PALLD: variants seen among roughly 807,000 people sequenced by gnomAD.
The protein encoded by PALLD is palladin, cytoskeletal associated protein, also known as palladin.
A neutral mutation model predicts 123.5 loss-of-function variants in PALLD; 61 were observed. That is an observed-to-expected ratio of 0.49 (90% CI 0.40 to 0.61). The LOEUF (loss-of-function observed/expected upper bound fraction) is 0.61. PALLD is among the 20% of genes least tolerant of loss of function. The pLI, the probability that PALLD is intolerant of heterozygous loss-of-function variation, is 0.00. For missense variants in PALLD, 1,273 were observed against 1,377.0 expected, an observed-to-expected ratio of 0.92 and a Z score of 1.20; for synonymous variants, 465 against 496.4, an observed-to-expected ratio of 0.94 and a Z score of 0.84.
chr4:168,597,712 G>T (rs1460507078), intron 2 of PALLD, among the ~76,000 whole-genome samples: 4 of 151,486 alleles, frequency 2.6e-5, no homozygotes, highest in Non-Finnish European at 4.4e-5. Flanking sequence ...ACAACTTATT[G>T]GAAATATCTT....
intron 10 of PALLD, among the ~76,000 whole-genome samples, chr4:168,884,636 A>G (rs904923095): frequency 6.6e-6 from 1 of 152,196 alleles, no homozygotes; most frequent in Non-Finnish European, 1.5e-5. Flanking sequence ...CAATTTTTCT[A>G]ACTATTGTGA....
chr4:168,835,312 A>G (rs147328494), intron 10 of PALLD, among the ~76,000 whole-genome samples: 1,922 of 152,368 alleles, frequency 0.013, 17 homozygotes, highest in South Asian at 0.021. Context: ...TAAATGGGGA[A>G]AATAGACACT....
At chr4:168,709,186 C>T (rs372155739) in intron 9 of PALLD, 39 bp downstream of exon 9, 225 of 1,609,224 alleles carry the variant, frequency 1.4e-4, no homozygotes, top group Non-Finnish European at 1.8e-4. Context: ...GTTCTGTTCC[C>T]CAGCACCAGT....
At chr4:168,612,034 C>A (rs1243581568) in intron 2 of PALLD, among the ~76,000 whole-genome samples, 1 of 152,022 alleles carries the variant, frequency 6.6e-6, no homozygotes, top group Admixed American at 6.6e-5. Context: ...GTGGTACATG[C>A]CTATAGTCCC....
chr4:168,827,309 A>C (rs560296254), intron 10 of PALLD, among the ~76,000 whole-genome samples: 151 of 152,346 alleles, frequency 9.9e-4, no homozygotes, highest in African/African-American at 3.4e-3. Context: ...GTCTGTCTTC[A>C]TGATCAGATA....
intron 10 of PALLD, among the ~76,000 whole-genome samples, chr4:168,811,768 TCTCTCTCTCACACA>T (rs771730253): frequency 1.2e-4 from 13 of 109,940 alleles, no homozygotes; most frequent in African/African-American, 3.5e-4. Context: ...TCTCTCTCTC[TCTCTCTCTCACACA>T]CACACACACA....
intron 10 of PALLD, among the ~76,000 whole-genome samples, chr4:168,753,366 AC>A (rs1451609249): frequency 6.7e-6 from 1 of 149,916 alleles, no homozygotes; most frequent in Non-Finnish European, 1.5e-5. Context: ...GACCCCCCAA[AC>A]CCACCCCTTT....
At chr4:168,743,834 C>T (rs1455014901) in intron 10 of PALLD, among the ~76,000 whole-genome samples, 2 of 152,124 alleles carry the variant, frequency 1.3e-5, no homozygotes, top group Non-Finnish European at 2.9e-5. Flanking sequence ...CTTCAGGAGA[C>T]CGCCATGTAT....
chr4:168,801,607 T>C (rs1739343949), intron 10 of PALLD, among the ~76,000 whole-genome samples: 1 of 152,204 alleles, frequency 6.6e-6, no homozygotes, highest in Non-Finnish European at 1.5e-5. Context: ...GACGTGCAGA[T>C]AGAAATTATC....
At chr4:168,694,759 C>T (rs1782980566) in intron 8 of PALLD, among the ~76,000 whole-genome samples, 1 of 152,220 alleles carries the variant, frequency 6.6e-6, no homozygotes, top group Admixed American at 6.5e-5. Flanking sequence ...ATGTGTTTTA[C>T]ACTCCCCTCT....
chr4:168,891,587 C>T (rs913925804), intron 11 of PALLD, among the ~76,000 whole-genome samples: 20 of 151,940 alleles, frequency 1.3e-4, no homozygotes, highest in Admixed American at 9.2e-4. Flanking sequence ...TGCAAAAAAC[C>T]TTTCTAAGAG....
intron 10 of PALLD, among the ~76,000 whole-genome samples, chr4:168,789,520 G>A (rs1302037306): frequency 1.3e-5 from 2 of 151,988 alleles, no homozygotes; most frequent in East Asian, 3.9e-4. Context: ...TCCTGGCCAA[G>A]ATGGTGAAAC....
chr4:168,647,558 G>A (rs184831247), intron 2 of PALLD, among the ~76,000 whole-genome samples: 95 of 152,100 alleles, frequency 6.2e-4, no homozygotes, highest in African/African-American at 2.2e-3. Context: ...AGGCAGGCAC[G>A]TCATCTGAGG....
chr4:168,801,294 T>C (rs1250618383), intron 10 of PALLD, among the ~76,000 whole-genome samples: 2 of 152,246 alleles, frequency 1.3e-5, no homozygotes, highest in Non-Finnish European at 2.9e-5. Context: ...TGTTTGTTTG[T>C]CTGAGATGGA....
chr4:168,690,832 A>G (rs997458450), intron 7 of PALLD, 88 bp downstream of exon 7: 67 of 1,312,378 alleles, frequency 5.1e-5, no homozygotes, highest in Non-Finnish European at 7.2e-5. Context: ...CATTAAGATG[A>G]ATTGATCTCT....
At chr4:168,672,710 G>A (rs375441606) in intron 3 of PALLD, among the ~76,000 whole-genome samples, 12 of 152,142 alleles carry the variant, frequency 7.9e-5, no homozygotes, top group Admixed American at 3.3e-4. Context: ...CACCCGCCTC[G>A]GCCTCCCAAA....
chr4:168,801,305 G>A (rs1477519430), intron 10 of PALLD, among the ~76,000 whole-genome samples: 1 of 152,210 alleles, frequency 6.6e-6, no homozygotes, highest in Admixed American at 6.5e-5. Context: ...CTGAGATGGA[G>A]TCTCACTCTC....
chr4:168,762,821 T>C (rs1733138437), intron 10 of PALLD, among the ~76,000 whole-genome samples: 1 of 152,234 alleles, frequency 6.6e-6, no homozygotes, highest in Non-Finnish European at 1.5e-5. Flanking sequence ...GTGGCACATA[T>C]ACATGATGGA....
At chr4:168,775,791 A>T (rs1235846175) in intron 10 of PALLD, among the ~76,000 whole-genome samples, 1 of 152,154 alleles carries the variant, frequency 6.6e-6, no homozygotes, top group African/African-American at 2.4e-5. Flanking sequence ...TGTTGAAAAG[A>T]CTGTCTTTTC....
Sources: gnomAD v4.1 joint callset for allele counts (sites outside exome capture counted in the v4.1 genomes callset) on GRCh38, gnomAD v4.1.1 for gene constraint, MANE v1.5 for transcripts, NCBI Gene and HGNC (gene_info 2026-07-23, HGNC 2026-07-21) for gene names.